B4GALT1: variants seen among roughly 807,000 people sequenced by gnomAD.
B4GALT1 encodes N-acetyllactosamine synthase.
A neutral mutation model predicts 34.9 loss-of-function variants in B4GALT1; 16 were observed. The ratio of observed to expected loss-of-function variants is 0.46; its 90% CI spans 0.31 to 0.70. B4GALT1 has a LOEUF of 0.70. Among genes scored for constraint, B4GALT1 ranks in the 30% least tolerant of loss-of-function variants. The pLI, the probability that B4GALT1 is intolerant of heterozygous loss-of-function variation, is 0.05. For synonymous variants in B4GALT1, 221 were observed against 218.1 expected (o/e 1.01, Z -0.12); for missense variants, 445 against 530.5 (o/e 0.84, Z 1.58).
At chr9:33,177,604 A>G in the B4GALT1 span, 1 of 152,232 alleles carries the variant, frequency 6.6e-6, no homozygotes, top group Non-Finnish European at 1.5e-5. Context: ...AATATTGACT[A>G]TCTGATCTTT....
chr9:33,124,714 A>G (rs940403900), intron 2 of B4GALT1, among the ~76,000 whole-genome samples: 1 of 152,230 alleles, frequency 6.6e-6, no homozygotes, highest in African/African-American at 2.4e-5. Flanking sequence ...TTGAACAGTC[A>G]GACCATTCCA....
chr9:33,177,572 T>C, the B4GALT1 span: 1 of 152,208 alleles, frequency 6.6e-6, no homozygotes, highest in East Asian at 1.9e-4. Context: ...GCAACAGAGA[T>C]CATCTGGCCT....
chr9:33,106,732 C>T (rs1323627845), downstream of B4GALT1, among the ~76,000 whole-genome samples: 4 of 152,072 alleles, frequency 2.6e-5, no homozygotes, highest in Non-Finnish European at 1.5e-5. Context: ...AAATGATGAC[C>T]CAGAAATAAA....
intron 1 of B4GALT1, among the ~76,000 whole-genome samples, chr9:33,153,943 C>T (rs2118261794): frequency 7.2e-6 from 1 of 139,074 alleles, no homozygotes; most frequent in Non-Finnish European, 1.5e-5. Context: ...TGGTAAACAA[C>T]TATGAAAGAG....
the B4GALT1 span, among the ~76,000 whole-genome samples, chr9:33,182,883 G>T: frequency 6.6e-6 from 1 of 151,878 alleles, no homozygotes; most frequent in Admixed American, 6.6e-5. Flanking sequence ...AATAGTGTAA[G>T]TCTCCAAGTT....
intron 1 of B4GALT1, among the ~76,000 whole-genome samples, chr9:33,146,684 TTTTC>T (rs1416065043): frequency 1.9e-5 from 2 of 103,026 alleles, no homozygotes; most frequent in Non-Finnish European, 1.9e-5. Flanking sequence ...CTAAATGCAA[TTTTC>T]TTTCTTTTCT....
chr9:33,120,504 G>C lies in B4GALT1; in HGVS notation c.751C>G (p.Leu251Val). ...YTCFVFSDVDLIPMNDHNAYR... is the reference protein window; with the variant it reads ...YTCFVFSDVDVIPMNDHNAYR... ...GCATTATGGTCATTCATTGGAATGA[G>C]GTCCACGTCACTAAACACAAAGCAG... Residue 251 changes from leucine (L) to valine (V), a missense_variant, in exon 3 of 6, where the codon CTC (leucine) becomes GTC (valine). Around this residue, in one of 3 missense-constraint regions of B4GALT1, gnomAD observed 349 missense variants for 395.5 expected, o/e 0.88. Coordinates refer to ENST00000379731, the MANE Select transcript of B4GALT1 (RefSeq NM_001497.4). The C allele has an allele frequency of 6.2e-7, 1 of 1,614,156 alleles. No homozygotes were observed. The highest frequency in any genetic ancestry group is 8.5e-7 in the Non-Finnish European group (1 of 1,180,022).
At chr9:33,144,405 T>C (rs1159818211) in intron 1 of B4GALT1, among the ~76,000 whole-genome samples, 2 of 151,952 alleles carry the variant, frequency 1.3e-5, no homozygotes, top group African/African-American at 2.4e-5. Flanking sequence ...CAGCTAATTT[T>C]TTGTATTTTT....
At chr9:33,117,445 G>A (rs1357912669) in intron 3 of B4GALT1, among the ~76,000 whole-genome samples, 3 of 152,180 alleles carry the variant, frequency 2.0e-5, no homozygotes, top group East Asian at 1.9e-4. Flanking sequence ...CAGCACTGAT[G>A]AGAAATGTCA....
chr9:33,151,996 G>A (rs1430130506), intron 1 of B4GALT1, among the ~76,000 whole-genome samples: 2 of 152,288 alleles, frequency 1.3e-5, no homozygotes, highest in East Asian at 3.9e-4. Context: ...AAGTCATAAA[G>A]GAAAACATAG....
chr9:33,140,246 T>C (rs552435640), intron 1 of B4GALT1, among the ~76,000 whole-genome samples: 24 of 152,344 alleles, frequency 1.6e-4, no homozygotes, highest in Admixed American at 1.5e-3. Flanking sequence ...GTTTGTCAAC[T>C]GATTGGCCAG....
the B4GALT1 span, among the ~76,000 whole-genome samples, chr9:33,183,001 T>C: frequency 2.0e-5 from 3 of 152,140 alleles, no homozygotes; most frequent in Non-Finnish European, 2.9e-5. Flanking sequence ...TCAGATAACA[T>C]GTACAGTAGT....
intron 1 of B4GALT1, among the ~76,000 whole-genome samples, chr9:33,157,202 G>A (rs1190497790): frequency 2.0e-5 from 3 of 149,530 alleles, no homozygotes; most frequent in African/African-American, 5.0e-5. Context: ...GATCCAAATC[G>A]CCCTTAGAAT....
At chr9:33,128,655 C>T (rs1385831824) in intron 2 of B4GALT1, among the ~76,000 whole-genome samples, 1 of 152,190 alleles carries the variant, frequency 6.6e-6, no homozygotes, top group African/African-American at 2.4e-5. Context: ...ACCAGCCCTA[C>T]CCCACTCCTC....
At chr9:33,171,746 G>A (rs1352508214), upstream of B4GALT1, among the ~76,000 whole-genome samples, 1 of 152,112 alleles carries the variant, frequency 6.6e-6, no homozygotes, top group Non-Finnish European at 1.5e-5. Flanking sequence ...GTAGAGATGA[G>A]ATGTTGCGAT....
Position 33,166,901 on chromosome 9 carries a change from G to C in B4GALT1, c.269C>G (p.Ala90Gly). The change falls in exon 1 of 6, where the codon GCC becomes GGC. Residue 90 changes from alanine to glycine, a missense_variant. Transcript: ENST00000379731. ...GGARPPPPLG[A>G]SSQPRPGGDS... ...GCCACCCGGGCGCGGCTGGGAGGAGGCGCCTAGAGGAGGCGGCGGCCGGGC... is the reference window on the plus strand; with the variant it reads ...GCCACCCGGGCGCGGCTGGGAGGAGCCGCCTAGAGGAGGCGGCGGCCGGGC... The C allele has an allele frequency of 2.5e-6, 4 of 1,578,540 alleles. No homozygotes were observed. Among genetic ancestry groups the C allele is most frequent in the Non-Finnish European group, 3.4e-6 (4 of 1,168,852 alleles).
intron 1 of B4GALT1, among the ~76,000 whole-genome samples, chr9:33,135,948 T>C (rs1200276582): frequency 1.4e-5 from 2 of 147,638 alleles, no homozygotes; most frequent in South Asian, 2.2e-4. Context: ...TGCATGCATG[T>C]TGGGGACGTC....
rs1840326106 is a variant in B4GALT1 at position 33,140,007 on chromosome 9, T to C, written c.413-4583A>G. ...GCCTCTCGGCTGGGAGTCCAGGTCA[T>C]GGCCTTGCATGTAAGTCGCTCAATA... On this transcript the variant is annotated intron_variant, in intron 1 of 5. Coordinates refer to ENST00000379731, the MANE Select transcript of B4GALT1 (RefSeq NM_001497.4). 3.3e-5 allele frequency among the ~76,000 whole-genome samples: 5 copies of C among 152,260 alleles called. No homozygotes were observed. In the South Asian group the frequency reaches 1.0e-3, roughly 31 times the overall value.
intron 1 of B4GALT1, among the ~76,000 whole-genome samples, chr9:33,149,791 A>C (rs1840484004): frequency 6.6e-6 from 1 of 152,202 alleles, no homozygotes; most frequent in African/African-American, 2.4e-5. Context: ...TCAGGAGGAA[A>C]CATCAGACAG....
Sources: allele counts gnomAD v4.1 joint callset (sites outside exome capture counted in the v4.1 genomes callset), GRCh38; gene constraint gnomAD v4.1.1; regional missense constraint gnomAD v4.1.1; transcripts MANE v1.5; gene names NCBI Gene and HGNC (gene_info 2026-07-23, HGNC 2026-07-21).